ACP3: variants seen among roughly 807,000 people sequenced by gnomAD.
ACP3 encodes prostatic acid phosphatase.
A neutral mutation model predicts 45.6 loss-of-function variants in ACP3; 38 were observed. The observed-to-expected ratio is 0.83, with a 90% CI of 0.64 to 1.09. ACP3 has a LOEUF of 1.09. Among genes scored for constraint, ACP3 ranks in the 50% least tolerant of loss-of-function variants. The pLI, the probability that ACP3 is intolerant of heterozygous loss-of-function variation, is 0.00. For synonymous variants in ACP3, 162 were observed against 164.7 expected (o/e 0.98, Z 0.13); for missense variants, 466 against 463.2 (o/e 1.01, Z -0.05).
intron 1 of ACP3, 28 bp downstream of exon 1, chr3:132,317,604 C>A: frequency 6.2e-7 from 1 of 1,601,340 alleles, no homozygotes; most frequent in Non-Finnish European, 8.5e-7. Flanking sequence ...ATTGCTTTTT[C>A]CTTAAAACTG....
intron 8 of ACP3, among the ~76,000 whole-genome samples, chr3:132,350,654 A>G (rs913472082): frequency 5.2e-4 from 79 of 152,302 alleles, no homozygotes; most frequent in African/African-American, 1.9e-3. Flanking sequence ...TCATCATGGA[A>G]GGTTTTTTAG....
At chr3:132,337,801 G>C (rs1005423548) in intron 5 of ACP3, among the ~76,000 whole-genome samples, 1 of 152,216 alleles carries the variant, frequency 6.6e-6, no homozygotes, top group African/African-American at 2.4e-5. Context: ...TCATGGCCTT[G>C]AGAGGAACCA....
downstream of ACP3, among the ~76,000 whole-genome samples, chr3:132,361,858 G>A (rs908285108): frequency 6.6e-6 from 1 of 152,176 alleles, no homozygotes; most frequent in African/African-American, 2.4e-5. Flanking sequence ...CATTGTGAGT[G>A]TGAACCCATC....
chr3:132,367,624 A>G, intron 10 of ACP3: 1 of 1,138,524 alleles, frequency 8.8e-7, no homozygotes, highest in East Asian at 2.4e-5. Flanking sequence ...CAATTAAGGC[A>G]GAAAGCAACA....
chr3:132,321,485 T>C (rs1380788412), intron 1 of ACP3, among the ~76,000 whole-genome samples: 1 of 152,152 alleles, frequency 6.6e-6, no homozygotes, highest in East Asian at 1.9e-4. Flanking sequence ...CCACAGGTTT[T>C]TCAAAGACAT....
At chr3:132,338,281 GT>G (rs60620661) in intron 5 of ACP3, among the ~76,000 whole-genome samples, 2,065 of 136,282 alleles carry the variant, frequency 0.015, 53 homozygotes, top group African/African-American at 0.05. Context: ...GTTTTGTTTT[GT>G]TTTTTTTTTT....
At chr3:132,350,878 C>A (rs1937717805) in intron 8 of ACP3, among the ~76,000 whole-genome samples, 1 of 152,084 alleles carries the variant, frequency 6.6e-6, no homozygotes. Flanking sequence ...ATGTTGGGAA[C>A]AGGATATGGT....
chr3:132,354,060 G>A (rs1356350762), intron 9 of ACP3, among the ~76,000 whole-genome samples: 1 of 152,132 alleles, frequency 6.6e-6, no homozygotes, highest in South Asian at 2.1e-4. Flanking sequence ...CCCACAAAAT[G>A]GAGACTGGCC....
At chr3:132,350,754 G>A (rs1007025175) in intron 8 of ACP3, among the ~76,000 whole-genome samples, 1 of 152,214 alleles carries the variant, frequency 6.6e-6, no homozygotes, top group African/African-American at 2.4e-5. Context: ...ATTGTAGAAA[G>A]AAGCAAGGAA....
At chr3:132,340,052 C>T (rs549439375) in intron 5 of ACP3, among the ~76,000 whole-genome samples, 68 of 152,220 alleles carry the variant, frequency 4.5e-4, no homozygotes, top group African/African-American at 1.3e-3. Flanking sequence ...CAGTGGCTCA[C>T]GCTTGTAATC....
intron 1 of ACP3, among the ~76,000 whole-genome samples, chr3:132,322,630 G>A (rs1349291336): frequency 6.6e-6 from 1 of 152,180 alleles, no homozygotes; most frequent in Non-Finnish European, 1.5e-5. Flanking sequence ...TTCCAAACCT[G>A]AAAGGAGAAC....
rs575931344 is a variant in ACP3 at position 132,334,003 on chromosome 3, G to A, written c.456+1659G>A. Among the ~76,000 whole-genome samples the A allele has an allele frequency of 2.0e-4, 31 of 152,248 alleles. No homozygotes were observed. In the East Asian group the frequency reaches 2.1e-3, roughly 10 times the overall value. ...GGAGAATCACTTAAACCTGGGAGGT[G>A]GAGGTTGCAGTGAGCCAAGATCGCA... On this transcript the variant is annotated intron_variant, in intron 4 of 9. Coordinates refer to ENST00000336375, the MANE Select transcript of ACP3 (RefSeq NM_001099.5).
At chr3:132,320,327 C>T (rs1285925450) in intron 1 of ACP3, among the ~76,000 whole-genome samples, 2 of 152,122 alleles carry the variant, frequency 1.3e-5, no homozygotes, top group Admixed American at 6.5e-5. Context: ...TCTGGATGTC[C>T]TCATCAACCA....
Position 132,352,768 on chromosome 3 carries a change from G to T in ACP3, c.913G>T (p.Gly305Ter). The change falls in exon 9 of 10, where the codon GGA (glycine) becomes TGA (stop). Residue 305 changes from glycine (G) to a stop codon, truncating the protein, a stop_gained. Transcript: ENST00000336375. LOFTEE classifies it high-confidence loss of function. ...GLQMALDVYN[G>*]LLPPYASCHL... ...ACAGATGGCGCTAGATGTTTACAAC[G>T]GACTCCTTCCTCCCTATGCTTCTTG... The T allele has an allele frequency of 6.2e-7, 1 of 1,613,876 alleles. No individual in the cohort carries two copies.
chr3:132,343,144 A>G (rs1396107930), intron 6 of ACP3, among the ~76,000 whole-genome samples: 1 of 152,206 alleles, frequency 6.6e-6, no homozygotes, highest in Non-Finnish European at 1.5e-5. Context: ...TTGTGGCCAG[A>G]TAAATTACGA....
chr3:132,345,486 T>C lies in ACP3; in HGVS notation c.781+427T>C, dbSNP rs551020617. Among the ~76,000 whole-genome samples the C allele has an allele frequency of 2.0e-5, 3 of 152,244 alleles. No homozygotes were observed. In the East Asian group the frequency reaches 5.8e-4, roughly 29 times the overall value. On this transcript the variant is annotated intron_variant, in intron 7 of 9. Coordinates refer to ENST00000336375, the MANE Select transcript of ACP3 (RefSeq NM_001099.5). ...TGGCCTATATGATGAATTTTTCAAG[T>C]GGGAGGTATGACAAAAGTGGCCTGT...
At chr3:132,329,685 C>G (rs993208995) in intron 2 of ACP3, among the ~76,000 whole-genome samples, 1 of 152,132 alleles carries the variant, frequency 6.6e-6, no homozygotes, top group Admixed American at 6.5e-5. Flanking sequence ...TTCTGAAGAA[C>G]CTTGATTACC....
intron 4 of ACP3, among the ~76,000 whole-genome samples, chr3:132,336,218 C>A (rs1233449666): frequency 1.3e-5 from 2 of 152,088 alleles, no homozygotes; most frequent in Non-Finnish European, 2.9e-5. Context: ...CGAGATCGCG[C>A]CACTGCACTC....
In ACP3 at chr3:132,352,721, A is replaced by G; in HGVS notation, c.866A>G (p.His289Arg). Reference sequence around the variant, plus strand: ...TAAAATTGATTTCAATCTCTGTAGCATGACACTACTGTGAGTGGCCTACAG... The same window carrying G: ...TAAAATTGATTTCAATCTCTGTAGCGTGACACTACTGTGAGTGGCCTACAG... ...SYKKLIMYSA[H>R]DTTVSGLQMA... Residue 289 changes from histidine (H) to arginine (R), a missense_variant and splice_region_variant, in exon 9 of 10, where the codon CAT (histidine) becomes CGT (arginine). His to Arg is a conservative substitution (Grantham distance 29, BLOSUM62 0). Transcript: ENST00000336375. The G allele has an allele frequency of 6.2e-7, 1 of 1,607,898 alleles. No individual in the cohort carries two copies. Among genetic ancestry groups the G allele is most frequent in the Non-Finnish European group, 8.5e-7 (1 of 1,174,420 alleles).
Sources: allele counts gnomAD v4.1 joint callset (sites outside exome capture counted in the v4.1 genomes callset), GRCh38; gene constraint gnomAD v4.1.1; transcripts MANE v1.5; gene names NCBI Gene and HGNC (gene_info 2026-07-23, HGNC 2026-07-21).